Variants in CBX1 observed in about 807,000 individuals in gnomAD.
CBX1 encodes the protein chromobox protein homolog 1.
CBX1 carries 10 observed loss-of-function variants against 25.1 expected under a neutral mutation model. That is an observed-to-expected ratio of 0.40 (90% CI 0.25 to 0.68). CBX1 has a LOEUF of 0.68. Ranked by LOEUF, CBX1 falls within the 30% of genes least tolerant of loss-of-function variation. The pLI is 0.40. For synonymous variants in CBX1, 63 were observed against 79.4 expected (o/e 0.79, Z 1.10); for missense variants, 106 against 218.5 (o/e 0.49, Z 3.25).
At chr17:48,079,105 G>A (rs576193266) in intron 1 of CBX1, among the ~76,000 whole-genome samples, 10 of 128,606 alleles carry the variant, frequency 7.8e-5, no homozygotes, top group South Asian at 2.5e-4. Context: ...CTCCAGCCCC[G>A]GCCCCGCACC....
intron 1 of CBX1, among the ~76,000 whole-genome samples, chr17:48,093,458 G>A (rs919232260): frequency 6.6e-6 from 1 of 152,140 alleles, no homozygotes; most frequent in African/African-American, 2.4e-5. Flanking sequence ...GGAAGAACTG[G>A]CGAGGGCATC....
At chr17:48,075,969 G>C in intron 3 of CBX1, 32 bp downstream of exon 3, 1 of 1,481,054 alleles carries the variant, frequency 6.8e-7, no homozygotes, top group South Asian at 1.3e-5. Context: ...TTTGAATTGT[G>C]GGCTAGTAAA....
At chr17:48,077,604 C>A (rs1475689011) in intron 1 of CBX1, among the ~76,000 whole-genome samples, 1 of 151,754 alleles carries the variant, frequency 6.6e-6, no homozygotes, top group African/African-American at 2.4e-5. Flanking sequence ...CAGCAAACTT[C>A]TTTATTCTTG....
chr17:48,073,698 A>G (rs1396094408), intron 4 of CBX1, among the ~76,000 whole-genome samples: 2 of 152,008 alleles, frequency 1.3e-5, no homozygotes, highest in African/African-American at 4.8e-5. Flanking sequence ...GTGGTAGCAC[A>G]TGCCTGTAAT....
At chr17:48,077,445 G>GTTTTTTTTTTTTTTTTT (rs796350669) in intron 1 of CBX1, among the ~76,000 whole-genome samples, 7 of 52,418 alleles carry the variant, frequency 1.3e-4, no homozygotes, top group African/African-American at 2.4e-4. Context: ...TTTTTTTTTT[G>GTTTTTTTTTTTTTTTTT]TTTTTTTTGT....
intron 1 of CBX1, among the ~76,000 whole-genome samples, chr17:48,100,042 G>A (rs1006274975): frequency 6.8e-6 from 1 of 147,378 alleles, no homozygotes; most frequent in Non-Finnish European, 1.5e-5. Context: ...GGGAGGCTGA[G>A]GCAAGAGAAT....
At chr17:48,076,537 G>A (rs976232119) in intron 2 of CBX1, among the ~76,000 whole-genome samples, 1 of 152,096 alleles carries the variant, frequency 6.6e-6, no homozygotes, top group Non-Finnish European at 1.5e-5. Flanking sequence ...GAGACATGGT[G>A]GTGCATGCCT....
chr17:48,079,326 G>C (rs1045776642), intron 1 of CBX1, among the ~76,000 whole-genome samples: 2 of 142,846 alleles, frequency 1.4e-5, no homozygotes, highest in African/African-American at 5.3e-5. Flanking sequence ...AGCTGGTCTC[G>C]AACTCCTGAC....
At chr17:48,079,149 G>A (rs998828770) in intron 1 of CBX1, among the ~76,000 whole-genome samples, 77 of 142,606 alleles carry the variant, frequency 5.4e-4, no homozygotes, top group Non-Finnish European at 8.9e-4. Flanking sequence ...CACTCCAGCC[G>A]GGCTGGAGTG....
chr17:48,077,996 A>T (rs964320720), intron 1 of CBX1, among the ~76,000 whole-genome samples: 3 of 152,094 alleles, frequency 2.0e-5, no homozygotes, highest in Non-Finnish European at 4.4e-5. Context: ...CCTACTAAAA[A>T]TACAAAAATT....
intron 1 of CBX1, among the ~76,000 whole-genome samples, chr17:48,094,792 A>G (rs918846204): frequency 6.6e-6 from 1 of 151,558 alleles, no homozygotes; most frequent in Non-Finnish European, 1.5e-5. Context: ...TCACACCTAT[A>G]AATCAGTACT....
At chr17:48,091,219 G>A (rs1238594649) in intron 1 of CBX1, among the ~76,000 whole-genome samples, 1 of 152,178 alleles carries the variant, frequency 6.6e-6, no homozygotes, top group Non-Finnish European at 1.5e-5. Context: ...GGGAGGCACG[G>A]AGAAGATGAC....
At chr17:48,071,834 T>C (rs1426081531) in intron 4 of CBX1, among the ~76,000 whole-genome samples, 1 of 152,068 alleles carries the variant, frequency 6.6e-6, no homozygotes, top group Non-Finnish European at 1.5e-5. Context: ...ACCAATCACA[T>C]CTGAACATCT....
At chr17:48,080,043 T>G (rs558921736) in intron 1 of CBX1, among the ~76,000 whole-genome samples, 1 of 152,236 alleles carries the variant, frequency 6.6e-6, no homozygotes, top group East Asian at 1.9e-4. Flanking sequence ...CATCCAAATT[T>G]GACTTTTTTG....
intron 4 of CBX1, among the ~76,000 whole-genome samples, chr17:48,072,699 C>T (rs2037636290): frequency 6.6e-6 from 1 of 151,790 alleles, no homozygotes; most frequent in Admixed American, 6.6e-5. Context: ...AGGAGAATGG[C>T]GTGAAACTGG....
intron 1 of CBX1, among the ~76,000 whole-genome samples, chr17:48,080,625 T>TA (rs951663819): frequency 2.6e-5 from 4 of 151,686 alleles, no homozygotes; most frequent in African/African-American, 9.7e-5. Flanking sequence ...AGAATGCACT[T>TA]AGAGTCCATC....
chr17:48,084,889 G>A (rs1167567839), intron 1 of CBX1, among the ~76,000 whole-genome samples: 3 of 151,118 alleles, frequency 2.0e-5, no homozygotes, highest in Admixed American at 1.3e-4. Context: ...CAGCCTGGGC[G>A]ACAGAGCGAG....
chr17:48,100,153 A>G (rs76152246), intron 1 of CBX1, among the ~76,000 whole-genome samples: 2 of 150,926 alleles, frequency 1.3e-5, no homozygotes, highest in African/African-American at 4.9e-5. Flanking sequence ...AAAAAAAAAA[A>G]AGAGGTAAAA....
At chr17:48,073,243 TA>T (rs2037642522) in intron 4 of CBX1, among the ~76,000 whole-genome samples, 4 of 152,008 alleles carry the variant, frequency 2.6e-5, no homozygotes, top group Non-Finnish European at 5.9e-5. Context: ...CCCAAATCTC[TA>T]GAACCTTAAT....
Sources: gnomAD v4.1 joint callset for allele counts (sites outside exome capture counted in the v4.1 genomes callset) on GRCh38, gnomAD v4.1.1 for gene constraint, MANE v1.5 for transcripts, NCBI Gene and HGNC (gene_info 2026-07-23, HGNC 2026-07-21) for gene names.